The following ITSN2 variants were observed in gnomAD, a reference collection of about 807,000 sequenced individuals.
ITSN2 encodes the protein intersectin 2.
In ITSN2, 156 loss-of-function variants were observed where a neutral mutation model predicts 243.7. The observed-to-expected ratio is 0.64, with a 90% CI of 0.56 to 0.73. ITSN2 has a LOEUF of 0.73. Ranked by LOEUF, ITSN2 falls within the 30% of genes least tolerant of loss-of-function variation. The pLI is 0.00. For synonymous variants in ITSN2, 703 were observed against 699.9 expected, an observed-to-expected ratio of 1.00 and a Z score of -0.07; for missense variants, 1,801 against 1,996.1, an observed-to-expected ratio of 0.90 and a Z score of 1.86.
In ITSN2 at chr2:24,284,757, A is replaced by G. The variant is rs757400473; in HGVS notation, c.1944+6T>C. On this transcript the variant is annotated splice_donor_region_variant and intron_variant, in intron 17 of 39. Coordinates refer to ENST00000355123, the MANE Select transcript of ITSN2 (RefSeq NM_006277.3). ...AAAGAAAAGAAGCTAGATATTAGAAAATAACCTTAAGTAAGAGGAAGAGGT... is the reference window on the plus strand; with the variant it reads ...AAAGAAAAGAAGCTAGATATTAGAAGATAACCTTAAGTAAGAGGAAGAGGT... The G allele has an allele frequency of 8.7e-5, 134 of 1,544,842 alleles. No individual in the cohort carries two copies. Among genetic ancestry groups the G allele is most frequent in the Non-Finnish European group, 1.2e-4 (131 of 1,120,258 alleles).
chr2:24,219,556 G>A (rs148676481), intron 30 of ITSN2, among the ~76,000 whole-genome samples: 14 of 152,296 alleles, frequency 9.2e-5, no homozygotes, highest in East Asian at 3.9e-4. Context: ...GCTTTGTGCC[G>A]GGCTTGGTGA....
chr2:24,361,311 A>G (rs937987095), upstream of ITSN2, among the ~76,000 whole-genome samples: 2 of 152,120 alleles, frequency 1.3e-5, no homozygotes, highest in Non-Finnish European at 2.9e-5. Context: ...GTCTCCTCAC[A>G]AAAGACCAGA....
intron 2 of ITSN2, among the ~76,000 whole-genome samples, chr2:24,323,731 A>T (rs147561902): frequency 0.018 from 2,747 of 152,318 alleles, 290 homozygotes; most frequent in Admixed American, 0.17. Context: ...AATAAACTAA[A>T]ACAAAAATAT....
At chr2:24,313,856 A>G (rs564777141) in intron 3 of ITSN2, among the ~76,000 whole-genome samples, 5 of 152,338 alleles carry the variant, frequency 3.3e-5, no homozygotes, top group African/African-American at 1.2e-4. Flanking sequence ...GAGTTTCAAT[A>G]TAAAAAGTAC....
intron 37 of ITSN2, 53 bp downstream of exon 37, chr2:24,208,184 G>T: frequency 6.9e-7 from 1 of 1,448,000 alleles, no homozygotes; most frequent in Non-Finnish European, 9.7e-7. Flanking sequence ...AGCAGTGGCC[G>T]GCATTCCTAG....
At chr2:24,311,241 G>C (rs1321710538) in intron 5 of ITSN2, among the ~76,000 whole-genome samples, 1 of 152,098 alleles carries the variant, frequency 6.6e-6, no homozygotes, top group Non-Finnish European at 1.5e-5. Flanking sequence ...ATGAATTCAA[G>C]GACGAGTTCT....
chr2:24,271,704 T>C, intron 19 of ITSN2, 62 bp downstream of exon 19: 2 of 1,456,008 alleles, frequency 1.4e-6, no homozygotes, highest in South Asian at 1.7e-5. Flanking sequence ...TTTTTGTCTC[T>C]TATCAGGTCA....
At chr2:24,252,868 C>T (rs1674527232) in intron 24 of ITSN2, among the ~76,000 whole-genome samples, 2 of 152,110 alleles carry the variant, frequency 1.3e-5, no homozygotes, top group South Asian at 2.1e-4. Flanking sequence ...ATAATGGAGT[C>T]AAGATAGGAA....
chr2:24,271,070 G>A (rs1056234893), intron 19 of ITSN2, among the ~76,000 whole-genome samples: 1 of 152,170 alleles, frequency 6.6e-6, no homozygotes, highest in South Asian at 2.1e-4. Flanking sequence ...GCTGTACAAA[G>A]TGGAAGGAGA....
At position 24,336,241 on chromosome 2, in the gene ITSN2, C is replaced by CAAA. The variant is rs756236002; in HGVS notation, c.-33-8129_-33-8127dup. On this transcript the variant is annotated intron_variant, in intron 1 of 39. Transcript: ENST00000355123. Reference sequence around the variant, plus strand: ...TGGGCCACAGAGCGAGACTCTGTCTCAAAAAAAAAAAAAAAAAAAAAGTTT... The same window carrying CAAA: ...TGGGCCACAGAGCGAGACTCTGTCTCAAAAAAAAAAAAAAAAAAAAAAAAGTTT... 9.5e-3 allele frequency among the ~76,000 whole-genome samples: 454 copies of CAAA among 47,924 alleles called. 4 individuals are homozygous for CAAA. Among genetic ancestry groups the CAAA allele is most frequent in the African/African-American group, 0.033 (433 of 13,018 alleles). 31.4% of individuals were successfully genotyped at this position (47,924 alleles called of 152,430 possible). A position where few individuals can be genotyped will look rare whatever the true frequency, so the allele number is the denominator to read the frequency against.
At chr2:24,324,304 A>T (rs1025133766) in intron 2 of ITSN2, among the ~76,000 whole-genome samples, 4 of 152,074 alleles carry the variant, frequency 2.6e-5, no homozygotes, top group Non-Finnish European at 5.9e-5. Flanking sequence ...GGGTATATAT[A>T]CCCCCGGGCA....
chr2:24,308,745 G>C lies in ITSN2; in HGVS notation c.665C>G (p.Ser222Trp). ...IDLGSSSSTS[S>W]TASLSGNSPK... ...TGAGTTCCCTGAGAGTGAAGCAGTC[G>C]AGGAAGTTGAGCTATAAAAAAATTT... The change falls in exon 8 of 40, where the codon TCG becomes TGG. Residue 222 changes from serine to tryptophan, a missense_variant. Coordinates refer to ENST00000355123, the MANE Select transcript of ITSN2 (RefSeq NM_006277.3). 7.1e-7 allele frequency: 1 copy of C among 1,415,378 alleles called. No individual in the cohort carries two copies. Among genetic ancestry groups the C allele is most frequent in the Non-Finnish European group, 9.3e-7 (1 of 1,078,500 alleles). The allele number at this position is 1,415,378 out of a possible 1,614,324, so 87.7% of individuals were successfully genotyped here.
intron 18 of ITSN2, among the ~76,000 whole-genome samples, chr2:24,274,565 AC>A (rs1677791105): frequency 6.6e-6 from 1 of 152,166 alleles, no homozygotes; most frequent in Non-Finnish European, 1.5e-5. Flanking sequence ...CAGAGCAAGG[AC>A]CCTGTCTCAA....
intron 9 of ITSN2, 109 bp downstream of exon 9, chr2:24,303,690 G>A: frequency 1.3e-6 from 1 of 765,198 alleles, no homozygotes; most frequent in Non-Finnish European, 2.3e-6. Context: ...GAGCATCTCT[G>A]AGTCACAAAC....
intron 1 of ITSN2, among the ~76,000 whole-genome samples, chr2:24,343,085 C>A: frequency 1.4e-5 from 2 of 141,540 alleles, no homozygotes; most frequent in African/African-American, 2.6e-5. Flanking sequence ...AGTGAGACCC[C>A]ATCTCAAAAA....
intron 24 of ITSN2, among the ~76,000 whole-genome samples, chr2:24,253,600 T>C (rs1355013358): frequency 1.3e-5 from 2 of 152,264 alleles, no homozygotes. Context: ...CTACTCTAAA[T>C]TGGTTTTGTT....
intron 17 of ITSN2, among the ~76,000 whole-genome samples, chr2:24,280,575 C>A (rs1452261399): frequency 6.6e-6 from 1 of 152,162 alleles, no homozygotes; most frequent in African/African-American, 2.4e-5. Flanking sequence ...TACTTTTCTG[C>A]TAGTCCTCTC....
rs1295420128 is a variant in ITSN2, at chr2:24,217,948, A to G, written c.3765T>C (p.Val1255=). 1 of 1,614,066 alleles carries G rather than the reference A, an allele frequency of 6.2e-7. No individual in the cohort carries two copies. Among genetic ancestry groups the G allele is most frequent in the Admixed American group, 1.7e-5 (1 of 60,016 alleles). ...TGGACATGATGAGCTCCTTCCAGTT[A>G]ACAAAAATCAGGGCCATCTCCCCTT... ...LTEGEMALIF[V]NWKELIMSNT... The change falls in exon 31 of 40, where the codon GTT becomes GTC. Residue 1255 remains valine, a synonymous_variant. Coordinates refer to ENST00000355123, the MANE Select transcript of ITSN2 (RefSeq NM_006277.3).
At chr2:24,208,370 A>G in intron 36 of ITSN2, 51 bp from the exon 37 acceptor site, 1 of 1,372,522 alleles carries the variant, frequency 7.3e-7, no homozygotes, top group Non-Finnish European at 1.0e-6. Context: ...CTCACAGGTC[A>G]GCGTGGAGCC....
Sources: allele counts gnomAD v4.1 joint callset (sites outside exome capture counted in the v4.1 genomes callset), GRCh38; gene constraint gnomAD v4.1.1; transcripts MANE v1.5; gene names NCBI Gene and HGNC (gene_info 2026-07-23, HGNC 2026-07-21).